Variants in RILPL1 observed in about 807,000 individuals in gnomAD.
RILPL1 encodes RILP-like protein 1.
A neutral mutation model predicts 50.3 loss-of-function variants in RILPL1; 33 were observed. That is an observed-to-expected ratio of 0.66 (90% confidence interval 0.50 to 0.88). The LOEUF (loss-of-function observed/expected upper bound fraction) is 0.88. Ranked by LOEUF, RILPL1 falls within the 40% of genes least tolerant of loss-of-function variation. The pLI, the probability that RILPL1 is intolerant of heterozygous loss-of-function variation, is 0.00. For missense variants in RILPL1, 418 were observed against 542.5 expected (o/e 0.77, Z 2.28); for synonymous variants, 205 against 228.6 (o/e 0.90, Z 0.93).
chr12:123,524,327 ACTG>A (rs1885172986), intron 1 of RILPL1, among the ~76,000 whole-genome samples: 1 of 152,200 alleles, frequency 6.6e-6, no homozygotes, highest in African/African-American at 2.4e-5. Context: ...ACCCTCCTAC[ACTG>A]CTGGTGGGAA....
At position 123,485,337 on chromosome 12, in the gene RILPL1, T is replaced by C. The variant is rs1258458134; in HGVS notation, c.974+296A>G. 4.0e-6 allele frequency: 2 copies of C among 500,494 alleles called. No homozygotes were observed. Among genetic ancestry groups the C allele is most frequent in the African/African-American group, 1.9e-5 (1 of 51,712 alleles). The allele number at this position is 500,494 out of a possible 1,614,324, so 31.0% of individuals were successfully genotyped here. ...TCATTCATTCATTTAAAAAAAGAGA[T>C]GAGGTCTCGCTTTGTTGCCCAGGCT... On this transcript the variant is annotated intron_variant, in intron 5 of 6. Transcript: ENST00000376874. The surrounding 1 kb of genome is among the most constrained non-coding windows in gnomAD (Gnocchi z 4.0).
In RILPL1 at chr12:123,523,600, G is replaced by A; in HGVS notation, c.355C>T (p.Leu119Phe). The part of the protein sequence containing the change: ...EDVWRGEAQD[L>F]LSQIAQLQEE... ...TGCAGCTGGGCGATCTGGGAGAGGA[G>A]GTCCTGCGCCTCCCCTCGCCACACA... Residue 119 changes from leucine (L) to phenylalanine (F), a missense_variant, in exon 2 of 7, where the codon CTC (leucine) becomes TTC (phenylalanine). By Grantham distance (22) the Leu-to-Phe change is conservative. Coordinates refer to ENST00000376874, the MANE Select transcript of RILPL1 (RefSeq NM_178314.5). 4.3e-6 allele frequency: 7 copies of A among 1,613,914 alleles called. No individual in the cohort carries two copies. Among genetic ancestry groups the A allele is most frequent in the Non-Finnish European group, 5.1e-6 (6 of 1,179,856 alleles).
intron 2 of RILPL1, among the ~76,000 whole-genome samples, chr12:123,520,804 G>A (rs1473929309): frequency 6.6e-6 from 1 of 152,152 alleles, no homozygotes; most frequent in Non-Finnish European, 1.5e-5. Context: ...GGAGACAAAG[G>A]GTGAGCAAAG....
In RILPL1 at chr12:123,523,596, A is replaced by C. The variant is rs764976334; in HGVS notation, c.359T>G (p.Leu120Arg). The C allele has an allele frequency of 6.2e-7, 1 of 1,613,838 alleles. No homozygotes were observed. The change falls in exon 2 of 7, where the codon CTC becomes CGC. Residue 120 changes from leucine (L) to arginine (R), a missense_variant. Transcript: ENST00000376874. ...DVWRGEAQDL[L>R]SQIAQLQEEN... ...CTCCTGCAGCTGGGCGATCTGGGAG[A>C]GGAGGTCCTGCGCCTCCCCTCGCCA...
Position 123,507,936 on chromosome 12 carries a change from C to T in RILPL1, c.461-8400G>A, listed in dbSNP as rs1332151982. ...AGCCTGGGCAAAGAGAGTGAAACTC[C>T]ATCTCAAAAAAAAAAAGAAAAAAAA... On this transcript the variant is annotated intron_variant, in intron 2 of 6. Transcript: ENST00000376874. 2.7e-5 allele frequency among the ~76,000 whole-genome samples: 3 copies of T among 109,942 alleles called. No homozygotes were observed. The Admixed American group carries it at 3.4e-4, about 12-fold the overall frequency. 72.1% of individuals were successfully genotyped at this position (109,942 alleles called of 152,430 possible). A position where few individuals can be genotyped will look rare whatever the true frequency, so the allele number is the denominator to read the frequency against.
chr12:123,518,456 A>G (rs1040104317), intron 2 of RILPL1: 2 of 264,874 alleles, frequency 7.6e-6, no homozygotes, highest in Non-Finnish European at 1.6e-5. Context: ...ATGGTGAACT[A>G]TAATTGCGCC....
At chr12:123,507,360 C>G (rs1173847761) in intron 2 of RILPL1, among the ~76,000 whole-genome samples, 1 of 151,698 alleles carries the variant, frequency 6.6e-6, no homozygotes, top group South Asian at 2.1e-4. Context: ...CCCAGGAGTT[C>G]GAGACCAGCC....
chr12:123,497,819 G>C (rs1402255163), intron 4 of RILPL1, among the ~76,000 whole-genome samples: 2 of 152,148 alleles, frequency 1.3e-5, no homozygotes, highest in Non-Finnish European at 2.9e-5. Flanking sequence ...CTCTCAAAGG[G>C]CTGGGATTAC....
rs57574691 is a variant in RILPL1 at position 123,470,473 on chromosome 12, C to CAAAAAAAA, written c.*2057_*2064dup. 1.2e-5 allele frequency: 1 copy of CAAAAAAAA among 86,160 alleles called. No homozygotes were observed. The highest frequency in any genetic ancestry group is 4.1e-5 in the African/African-American group (1 of 24,314). The allele number at this position is 86,160 out of a possible 1,614,324, so 5.3% of individuals were successfully genotyped here. ...AGGTGACAGAGTGAGACCCTGTGTC[C>CAAAAAAAA]AAAAAAAAAAAAAAAAAAAAGGCCA... is the stretch of plus-strand genomic sequence containing the variant. On this transcript the variant is annotated 3_prime_UTR_variant, in exon 7 of 7. Transcript: ENST00000376874.
chr12:123,533,271 T>A lies in RILPL1; in HGVS notation c.212A>T (p.His71Leu). The A allele has an allele frequency of 6.3e-7, 1 of 1,588,636 alleles. No individual in the cohort carries two copies. Residue 71 changes from histidine (H) to leucine (L), a missense_variant, in exon 1 of 7, where the codon CAC (histidine) becomes CTC (leucine). Transcript: ENST00000376874. The surrounding 1 kb of genome is among the most constrained non-coding windows in gnomAD (Gnocchi z 6.2). ...LEILEVLVSR[H>L]HVAPELDELR... The stretch of plus-strand genomic sequence containing the variant: ...CTCGTCCAGCTCGGGCGCGACGTGG[T>A]GGCGGCTGACCAGCACCTCCAGGAT...
At chr12:123,483,934 C>T (rs1056143547) in intron 6 of RILPL1, among the ~76,000 whole-genome samples, 6 of 152,188 alleles carry the variant, frequency 3.9e-5, no homozygotes, top group African/African-American at 1.4e-4. Flanking sequence ...TGAGTATCAG[C>T]CACTGGCCCA....
intron 2 of RILPL1, among the ~76,000 whole-genome samples, chr12:123,521,661 G>GTA (rs1476936972): frequency 1.6e-3 from 60 of 37,924 alleles, no homozygotes; most frequent in South Asian, 3.4e-3. Context: ...ACACATATAT[G>GTA]TATATATATA....
At chr12:123,479,751 C>G (rs1387105196) in intron 6 of RILPL1, among the ~76,000 whole-genome samples, 3 of 152,198 alleles carry the variant, frequency 2.0e-5, no homozygotes, top group African/African-American at 7.2e-5. Flanking sequence ...GTCTCGCTCT[C>G]TCGTCTTTCT....
intron 4 of RILPL1, among the ~76,000 whole-genome samples, chr12:123,492,911 G>T (rs1882791446): frequency 6.6e-6 from 1 of 152,186 alleles, no homozygotes; most frequent in African/African-American, 2.4e-5. Context: ...GAAGGCCACA[G>T]GGACTTCTGC....
At chr12:123,490,160 C>T (rs1364971961) in intron 4 of RILPL1, among the ~76,000 whole-genome samples, 3 of 152,214 alleles carry the variant, frequency 2.0e-5, no homozygotes, top group East Asian at 1.9e-4. Context: ...CCTTTCATAG[C>T]AGGTCAGGGC....
intron 4 of RILPL1, among the ~76,000 whole-genome samples, chr12:123,490,211 C>G (rs1055825538): frequency 6.6e-6 from 1 of 152,076 alleles, no homozygotes; most frequent in Non-Finnish European, 1.5e-5. Flanking sequence ...ATCTGACAGC[C>G]GTCCCCACAC....
rs1458817297 is a variant in RILPL1, at chr12:123,501,925, A to G, written c.461-2389T>C. The stretch of plus-strand genomic sequence containing the variant: ...ACCCCGTCTCTACTAAAAATACAAA[A>G]TTAGCCAGGCGTGGTGGCGCATGCC... On this transcript the variant is annotated intron_variant, in intron 2 of 6. Transcript: ENST00000376874. Among the ~76,000 whole-genome samples, 7 of 151,026 alleles carry G rather than the reference A, an allele frequency of 4.6e-5. No individual in the cohort carries two copies. In the East Asian group the frequency reaches 1.4e-3, roughly 29 times the overall value.
At chr12:123,504,155 C>T (rs1282106784) in intron 2 of RILPL1, among the ~76,000 whole-genome samples, 1 of 152,156 alleles carries the variant, frequency 6.6e-6, no homozygotes, top group Non-Finnish European at 1.5e-5. Flanking sequence ...CCAGTGCACA[C>T]CTGCTCCGTG....
intron 2 of RILPL1, among the ~76,000 whole-genome samples, chr12:123,506,069 C>T (rs896484066): frequency 2.0e-5 from 3 of 152,188 alleles, no homozygotes. Flanking sequence ...AAGTTGAGTG[C>T]CGTGACGGAT....
Sources: gnomAD v4.1 joint callset for allele counts (sites outside exome capture counted in the v4.1 genomes callset) on GRCh38, gnomAD v4.1.1 for gene constraint, Gnocchi (gnomAD v3.1) non-coding constraint, MANE v1.5 for transcripts, NCBI Gene and HGNC (gene_info 2026-07-23, HGNC 2026-07-21) for gene names.